The following CCDC63 variants were observed in gnomAD, a reference collection of about 807,000 sequenced individuals.
The protein encoded by CCDC63 is coiled-coil domain-containing protein 63.
A neutral mutation model predicts 63.6 loss-of-function variants in CCDC63; 54 were observed. That is an observed-to-expected ratio of 0.85 (90% confidence interval 0.68 to 1.07). The LOEUF (loss-of-function observed/expected upper bound fraction) is 1.07, where lower values mean the gene tolerates loss of function less well. Among genes scored for constraint, CCDC63 ranks in the 50% least tolerant of loss-of-function variants. CCDC63 has a pLI of 0.00. For synonymous variants in CCDC63, 253 were observed against 266.1 expected (o/e 0.95, Z 0.48); for missense variants, 637 against 689.6 (o/e 0.92, Z 0.86).
At chr12:110,884,657 T>C (rs1263921790) in intron 8 of CCDC63, among the ~76,000 whole-genome samples, 2 of 151,986 alleles carry the variant, frequency 1.3e-5, no homozygotes, top group African/African-American at 4.8e-5. Flanking sequence ...ATTACAAGTG[T>C]GAAACGTTGC....
chr12:110,904,692 C>G lies in CCDC63; in HGVS notation c.1447C>G (p.Pro483Ala). 6.2e-7 allele frequency: 1 copy of G among 1,614,100 alleles called. No homozygotes were observed. Among genetic ancestry groups the G allele is most frequent in the Non-Finnish European group, 8.5e-7 (1 of 1,180,004 alleles). Reference sequence around the variant, plus strand: ...TGAGATCCCGCCACCCTTCATCAACCCTTTCTGGGGTGGCTCTGCCCTCCT... The same window carrying G: ...TGAGATCCCGCCACCCTTCATCAACGCTTTCTGGGGTGGCTCTGCCCTCCT... ...EAEIPPPFINPFWGGSALLKP... is the reference protein window; with the variant it reads ...EAEIPPPFINAFWGGSALLKP... The change falls in exon 11 of 12, where the codon CCT becomes GCT. Residue 483 changes from proline to alanine, a missense_variant. Physicochemically the swap from Pro to Ala is conservative, Grantham distance 27 (BLOSUM62 -1). Transcript: ENST00000308208.
chr12:110,898,967 T>C lies in CCDC63; in HGVS notation c.1184T>C (p.Met395Thr), dbSNP rs1220840570. 1 of 1,610,680 alleles carries C rather than the reference T, an allele frequency of 6.2e-7. No individual in the cohort carries two copies. Among genetic ancestry groups the C allele is most frequent in the Non-Finnish European group, 8.5e-7 (1 of 1,178,574 alleles). ...KLRKTTEEADMYESKYGEVSK... is the reference protein window; with the variant it reads ...KLRKTTEEADTYESKYGEVSK... Reference sequence around the variant, plus strand: ...AGGAAGACCACGGAGGAGGCAGATATGTATGAGAGCAAGTACGGGGAGGTC... The same window carrying C: ...AGGAAGACCACGGAGGAGGCAGATACGTATGAGAGCAAGTACGGGGAGGTC... Residue 395 changes from methionine (M) to threonine (T), a missense_variant, in exon 10 of 12, where the codon ATG becomes ACG. Met to Thr is a moderately conservative substitution (Grantham distance 81). Transcript: ENST00000308208.
At chr12:110,871,101 T>A (rs1233304657) in intron 4 of CCDC63, among the ~76,000 whole-genome samples, 1 of 152,184 alleles carries the variant, frequency 6.6e-6, no homozygotes, top group Non-Finnish European at 1.5e-5. Flanking sequence ...ACCTCCTAAA[T>A]ACACAGCCCA....
intron 4 of CCDC63, among the ~76,000 whole-genome samples, chr12:110,867,117 C>T (rs1232938466): frequency 8.1e-6 from 1 of 123,230 alleles, no homozygotes; most frequent in African/African-American, 3.0e-5. Context: ...GCTGGCCGGG[C>T]AGGGGGGCTG....
At chr12:110,856,850 T>C (rs113671535) in intron 3 of CCDC63, among the ~76,000 whole-genome samples, 5 of 148,132 alleles carry the variant, frequency 3.4e-5, no homozygotes, top group African/African-American at 5.0e-5. Context: ...CTTTCTTTTT[T>C]TTTTTTTTTT....
intron 1 of CCDC63, among the ~76,000 whole-genome samples, chr12:110,847,768 T>G (rs1022641034): frequency 1.3e-5 from 2 of 152,218 alleles, no homozygotes; most frequent in South Asian, 4.1e-4. Context: ...ATGATCCACA[T>G]AGCTGCCTGT....
chr12:110,867,226 G>A (rs2070970927), intron 4 of CCDC63, among the ~76,000 whole-genome samples: 1 of 113,766 alleles, frequency 8.8e-6, no homozygotes, highest in African/African-American at 3.4e-5. Context: ...GCGGGGGGCC[G>A]ACCCCCCCAC....
rs752058341 is a variant in CCDC63 at position 110,904,811 on chromosome 12, A to G, written c.1546+20A>G. On this transcript the variant is annotated intron_variant, in intron 11 of 11. Transcript: ENST00000308208. ...ATGATGGTGAGTTCTCTCTCTCTCA[A>G]TCTGCACAGGTTGCTAGGGAACCTG... is the stretch of plus-strand genomic sequence containing the variant. The G allele has an allele frequency of 5.7e-6, 9 of 1,578,548 alleles. No homozygotes were observed. Among genetic ancestry groups the G allele is most frequent in the South Asian group, 3.4e-5 (3 of 87,246 alleles).
chr12:110,898,653 A>G (rs2071444910), intron 9 of CCDC63, among the ~76,000 whole-genome samples: 1 of 151,862 alleles, frequency 6.6e-6, no homozygotes, highest in Non-Finnish European at 1.5e-5. Context: ...TCCTGTAGAC[A>G]TGTAGACACA....
intron 8 of CCDC63, among the ~76,000 whole-genome samples, chr12:110,890,302 C>CAAAAA: frequency 7.5e-6 from 1 of 133,022 alleles, no homozygotes; most frequent in South Asian, 2.4e-4. Flanking sequence ...GACCCTGTCT[C>CAAAAA]AAAAAAAAAA....
At chr12:110,868,307 G>A (rs7971124) in intron 4 of CCDC63, among the ~76,000 whole-genome samples, 2,950 of 110,090 alleles carry the variant, frequency 0.027, 207 homozygotes, top group East Asian at 0.057. Flanking sequence ...AGGCAGAGAC[G>A]CTCCTCACTT....
At chr12:110,881,327 C>T in intron 7 of CCDC63, 31 bp downstream of exon 7, 1 of 1,595,012 alleles carries the variant, frequency 6.3e-7, no homozygotes, top group Non-Finnish European at 8.5e-7. Flanking sequence ...CTTGTGCTCT[C>T]TCACTCTCTT....
rs200794196 is a variant in CCDC63, at chr12:110,858,614, C to A, written c.208C>A (p.Gln70Lys). The A allele has an allele frequency of 1.4e-5, 22 of 1,613,126 alleles. No homozygotes were observed. In the Admixed American group the frequency reaches 2.3e-4, roughly 17 times the overall value. The change falls in exon 4 of 12, where the codon CAG (glutamine) becomes AAG (lysine). Residue 70 changes from glutamine to lysine, a missense_variant. Transcript: ENST00000308208. ...YKEIKTLKTE[Q>K]DEITLLLSLM... is the part of the protein sequence containing the mutation. ...GGAGATCAAGACCCTGAAGACAGAG[C>A]AGGATGAGATCACCCTACTGTTGAG...
At chr12:110,875,706 C>T (rs1353360340) in intron 5 of CCDC63, among the ~76,000 whole-genome samples, 1 of 152,120 alleles carries the variant, frequency 6.6e-6, no homozygotes, top group African/African-American at 2.4e-5. Flanking sequence ...AGTAATGCTC[C>T]TTTTTATATT....
chr12:110,893,990 C>CAAAA (rs35844792), intron 9 of CCDC63, among the ~76,000 whole-genome samples: 2 of 117,562 alleles, frequency 1.7e-5, no homozygotes, highest in African/African-American at 6.7e-5. Flanking sequence ...GACCCTGTCT[C>CAAAA]AAAAAAAAAA....
At chr12:110,881,419 A>G in intron 7 of CCDC63, 123 bp downstream of exon 7, 4 of 997,770 alleles carry the variant, frequency 4.0e-6, no homozygotes, top group East Asian at 2.7e-5. Context: ...GCAAATAAAG[A>G]TATAAGATGC....
At chr12:110,905,039 G>T (rs1007810300) in intron 11 of CCDC63, among the ~76,000 whole-genome samples, 2 of 151,958 alleles carry the variant, frequency 1.3e-5, no homozygotes, top group African/African-American at 4.8e-5. Flanking sequence ...AGTTATTTTG[G>T]ATATTTTTAA....
intron 10 of CCDC63, among the ~76,000 whole-genome samples, chr12:110,900,994 G>A (rs2136745391): frequency 6.6e-6 from 1 of 152,264 alleles, no homozygotes; most frequent in Admixed American, 6.5e-5. Flanking sequence ...GGACTTCCAG[G>A]ACTCAGTATA....
At chr12:110,854,022 G>T (rs1349572516) in intron 3 of CCDC63, among the ~76,000 whole-genome samples, 1 of 152,148 alleles carries the variant, frequency 6.6e-6, no homozygotes, top group African/African-American at 2.4e-5. Flanking sequence ...CGGAGACTCT[G>T]ATAGGCTCAG....
Sources: gnomAD v4.1 joint callset for allele counts (sites outside exome capture counted in the v4.1 genomes callset) on GRCh38, gnomAD v4.1.1 for gene constraint, MANE v1.5 for transcripts, NCBI Gene and HGNC (gene_info 2026-07-23, HGNC 2026-07-21) for gene names.